The following TRIP11 variants were observed in gnomAD, a reference collection of about 807,000 sequenced individuals.
The protein encoded by TRIP11 is thyroid hormone receptor interactor 11, also known as thyroid receptor-interacting protein 11.
In TRIP11, 148 loss-of-function variants were observed where a neutral mutation model predicts 223.1. That is an observed-to-expected ratio of 0.66 (90% CI 0.58 to 0.76). The LOEUF (loss-of-function observed/expected upper bound fraction) is 0.76, where lower values mean the gene tolerates loss of function less well. Ranked by LOEUF, TRIP11 falls within the 30% of genes least tolerant of loss-of-function variation. The pLI, the probability that TRIP11 is intolerant of heterozygous loss-of-function variation, is 0.00. For synonymous variants in TRIP11, 762 were observed against 772.6 expected, an observed-to-expected ratio of 0.99 and a Z score of 0.23; for missense variants, 2,043 against 2,222.0, an observed-to-expected ratio of 0.92 and a Z score of 1.62.
chr14:91,981,952 A>C (rs1183452140), intron 16 of TRIP11, among the ~76,000 whole-genome samples: 1 of 151,864 alleles, frequency 6.6e-6, no homozygotes, highest in African/African-American at 2.4e-5. Flanking sequence ...GTCTCCACAA[A>C]AAAAAAAAAA....
chr14:92,011,106 CAAG>C, intron 8 of TRIP11, 34 bp from the exon 9 acceptor site: 2 of 1,595,932 alleles, frequency 1.3e-6, no homozygotes, highest in Non-Finnish European at 8.6e-7. Context: ...TTTCAGGTAA[CAAG>C]AAATTTCCAG....
chr14:92,029,275 G>GTAT (rs1566874489), intron 2 of TRIP11, among the ~76,000 whole-genome samples: 172 of 120,144 alleles, frequency 1.4e-3, no homozygotes, highest in African/African-American at 3.9e-3. Context: ...ATTGCCCAAA[G>GTAT]TATTATTTTT....
At chr14:91,988,543 AC>A (rs2056632086) in intron 15 of TRIP11, among the ~76,000 whole-genome samples, 160 bp from the exon 16 acceptor site, 1 of 151,902 alleles carries the variant, frequency 6.6e-6, no homozygotes, top group South Asian at 2.1e-4. Context: ...CAAAGGCAGA[AC>A]CCACATTCTT....
chr14:91,973,497 A>T (rs2056425270), intron 19 of TRIP11, among the ~76,000 whole-genome samples: 1 of 152,204 alleles, frequency 6.6e-6, no homozygotes. Flanking sequence ...CATTTTAATA[A>T]CTATTAACAC....
rs760649001 is a variant in TRIP11, at chr14:92,025,424, G to C, written c.202-4C>G. ...AAAGTTTCTTAAGCCTTTCATTCTA[G>C]AAAAAAAAAGTATTTTCAACAAAAA... On this transcript the variant is annotated splice_region_variant and splice_polypyrimidine_tract_variant and intron_variant, in intron 2 of 20. Coordinates refer to ENST00000267622, the MANE Select transcript of TRIP11 (RefSeq NM_004239.4). 2.5e-6 allele frequency: 4 copies of C among 1,585,764 alleles called. No individual in the cohort carries two copies. The Admixed American group carries it at 6.9e-5, about 27-fold the overall frequency.
chr14:91,975,857 G>C (rs777117083), intron 17 of TRIP11, among the ~76,000 whole-genome samples: 20 of 152,060 alleles, frequency 1.3e-4, no homozygotes, highest in Non-Finnish European at 2.8e-4. Flanking sequence ...TTCTTACTGA[G>C]GTGATATTTT....
At chr14:92,031,663 T>C (rs931716942) in intron 2 of TRIP11, among the ~76,000 whole-genome samples, 8 of 152,212 alleles carry the variant, frequency 5.3e-5, no homozygotes, top group African/African-American at 1.9e-4. Context: ...ATCAATATTT[T>C]ACAAGATAAA....
Position 92,003,876 on chromosome 14 carries a change from TG to T in TRIP11, c.4099del (p.Gln1367ArgfsTer17). 6.2e-7 allele frequency: 1 copy of T among 1,614,106 alleles called. No individual in the cohort carries two copies. Among genetic ancestry groups the T allele is most frequent in the African/African-American group, 1.3e-5 (1 of 75,056 alleles). On this transcript the variant is annotated frameshift_variant, in exon 11 of 21. Coordinates refer to ENST00000267622, the MANE Select transcript of TRIP11 (RefSeq NM_004239.4). LOFTEE classifies it high-confidence loss of function. ...QEKDATIRTLQENNHRLSDSI... is the reference protein window; with the variant it reads ...QEKDATIRTLXENNHRLSDSI... ...ATCAGACAATCTGTGGTTATTTTCC[TG>T]GAGAGTTCTAATTGTTGCATCTTTT...
rs975284598 is a variant in TRIP11 at position 92,006,059 on chromosome 14, A to C, written c.1917T>G (p.Phe639Leu). ...QSLNQDSNSN[F>L]KDTLLKEREA... Reference sequence around the variant, plus strand: ...CTCTTTCTTTAAGTAAGGTATCCTTAAAATTACTATTAGAGTCTTGATTTA... The same window carrying C: ...CTCTTTCTTTAAGTAAGGTATCCTTCAAATTACTATTAGAGTCTTGATTTA... The change falls in exon 11 of 21, where the codon TTT (phenylalanine) becomes TTG (leucine). Residue 639 changes from phenylalanine to leucine, a missense_variant. Coordinates refer to ENST00000267622, the MANE Select transcript of TRIP11 (RefSeq NM_004239.4). 1 of 1,582,144 alleles carries C rather than the reference A, an allele frequency of 6.3e-7. No homozygotes were observed. The highest frequency in any genetic ancestry group is 1.4e-5 in the African/African-American group (1 of 72,988).
At chr14:91,995,838 A>G (rs1247898354) in intron 13 of TRIP11, among the ~76,000 whole-genome samples, 1 of 151,098 alleles carries the variant, frequency 6.6e-6, no homozygotes, top group Non-Finnish European at 1.5e-5. Context: ...CTGGTCTCAA[A>G]CTCCTGACCT....
chr14:91,981,305 C>T (rs1019465762), intron 16 of TRIP11, among the ~76,000 whole-genome samples: 3 of 151,058 alleles, frequency 2.0e-5, no homozygotes, highest in South Asian at 2.1e-4. Flanking sequence ...TGTGAACCAC[C>T]GCACCCGGCC....
chr14:92,014,237 G>A lies in TRIP11; in HGVS notation c.1164C>T (p.Phe388=), dbSNP rs746931928. ...LAQSASVEEV[F]RLQQALSDAE... ...TACCAGACAGTGCTTGTTGTAGTCT[G>A]AACACTTCTTCCACTGATGCACTCT... is the stretch of plus-strand genomic sequence containing the variant. The change falls in exon 7 of 21, where the codon TTC becomes TTT. Residue 388 remains phenylalanine (F), a synonymous_variant. Coordinates refer to ENST00000267622, the MANE Select transcript of TRIP11 (RefSeq NM_004239.4). The A allele has an allele frequency of 1.9e-6, 3 of 1,613,994 alleles. No individual in the cohort carries two copies. The highest frequency in any genetic ancestry group is 3.3e-4 in the Middle Eastern group (2 of 6,058).
intron 17 of TRIP11, among the ~76,000 whole-genome samples, chr14:91,975,874 TC>T (rs768091063): frequency 1.3e-5 from 2 of 152,162 alleles, no homozygotes; most frequent in African/African-American, 2.4e-5. Flanking sequence ...TTTTAGCTCT[TC>T]TATATGGTTT....
chr14:92,028,058 A>G (rs971097861), intron 2 of TRIP11, among the ~76,000 whole-genome samples: 1 of 152,260 alleles, frequency 6.6e-6, no homozygotes, highest in African/African-American at 2.4e-5. Context: ...TAAGCTGTTT[A>G]TATGAAAAAC....
At chr14:91,981,565 G>T (rs1535106) in intron 16 of TRIP11, among the ~76,000 whole-genome samples, 1 of 151,660 alleles carries the variant, frequency 6.6e-6, no homozygotes, top group South Asian at 2.1e-4. Flanking sequence ...CAATTTTTTT[G>T]TATTTTTAGT....
Position 92,008,506 on chromosome 14 carries a change from C to T in TRIP11, c.1315-654G>A, listed in dbSNP as rs540632123. 3.3e-4 allele frequency among the ~76,000 whole-genome samples: 50 copies of T among 152,200 alleles called. No individual in the cohort carries two copies. In the South Asian group the frequency reaches 6.2e-3, roughly 19 times the overall value. ...GTTCCCCTCTGTCACACCTGACATT[C>T]CTAAAGATAGTATATATACATTTTA... On this transcript the variant is annotated intron_variant, in intron 9 of 20. Transcript: ENST00000267622.
intron 2 of TRIP11, 102 bp from the exon 3 acceptor site, chr14:92,025,522 A>C (rs2057173039): frequency 6.4e-6 from 5 of 781,078 alleles, no homozygotes; most frequent in African/African-American, 1.8e-5. Flanking sequence ...CCCCCCAAAA[A>C]TGTCAAATAT....
In TRIP11 at chr14:92,035,324, AAAAAG is replaced by A. The variant is rs957979395; in HGVS notation, c.140-2076_140-2072del. 7.9e-5 allele frequency among the ~76,000 whole-genome samples: 12 copies of A among 152,022 alleles called. 1 individual carries two copies. The highest frequency in any genetic ancestry group is 2.0e-4 in the East Asian group (1 of 5,114). On this transcript the variant is annotated intron_variant, in intron 1 of 20. Transcript: ENST00000267622. ...CGACAGAGCAAGACTCGGTCTCAAA[AAAAAG>A]AAAAGAAAAGAAAATCATCATCCAG...
chr14:92,024,300 T>C (rs543359908), intron 3 of TRIP11, among the ~76,000 whole-genome samples: 1 of 149,230 alleles, frequency 6.7e-6, no homozygotes, highest in African/African-American at 2.5e-5. Context: ...TGAACCGGGA[T>C]GCAGAGGTTG....
Sources: gnomAD v4.1 joint callset for allele counts (sites outside exome capture counted in the v4.1 genomes callset) on GRCh38, gnomAD v4.1.1 for gene constraint, MANE v1.5 for transcripts, NCBI Gene and HGNC (gene_info 2026-07-23, HGNC 2026-07-21) for gene names.